SNX24: variants seen among roughly 807,000 people sequenced by gnomAD.
SNX24 encodes the protein sorting nexin 24, also known as sorting nexin-24.
SNX24 carries 22 observed loss-of-function variants against 28.7 expected under a neutral mutation model. The ratio of observed to expected loss-of-function variants is 0.77; its 90% CI spans 0.55 to 1.10. The LOEUF is 1.10. Among genes scored for constraint, SNX24 ranks in the 50% least tolerant of loss-of-function variants. SNX24 has a pLI of 0.00. For synonymous variants in SNX24, 69 were observed against 71.5 expected (o/e 0.96, Z 0.18); for missense variants, 221 against 201.1 (o/e 1.10, Z -0.60).
chr5:122,992,195 A>T (rs1324135142), intron 3 of SNX24, among the ~76,000 whole-genome samples: 1 of 152,186 alleles, frequency 6.6e-6, no homozygotes, highest in Non-Finnish European at 1.5e-5. Flanking sequence ...TGAGTTAGTT[A>T]AGAAGCAGTT....
intron 1 of SNX24, among the ~76,000 whole-genome samples, chr5:122,912,924 C>G (rs1298359324): frequency 1.3e-5 from 2 of 151,942 alleles, no homozygotes; most frequent in Admixed American, 1.3e-4. Flanking sequence ...TCTTAAGGAG[C>G]ATGCTGCCTT....
chr5:122,984,844 A>T (rs1581833309), intron 3 of SNX24, among the ~76,000 whole-genome samples: 1 of 152,364 alleles, frequency 6.6e-6, no homozygotes, highest in East Asian at 1.9e-4. Flanking sequence ...TAGGATTTAA[A>T]AACTAAAGAC....
chr5:122,936,368 C>T (rs190305299), intron 1 of SNX24, among the ~76,000 whole-genome samples: 3 of 152,220 alleles, frequency 2.0e-5, no homozygotes, highest in Non-Finnish European at 2.9e-5. Context: ...GAGCTTTTTA[C>T]CAGAGTATTC....
At chr5:122,954,416 C>A (rs1270393775) in intron 3 of SNX24, among the ~76,000 whole-genome samples, 1 of 151,944 alleles carries the variant, frequency 6.6e-6, no homozygotes, top group East Asian at 1.9e-4. Context: ...AATTTCTTAT[C>A]ATTATTGATA....
At chr5:122,886,012 C>A (rs1403192032) in intron 1 of SNX24, among the ~76,000 whole-genome samples, 2 of 151,954 alleles carry the variant, frequency 1.3e-5, no homozygotes, top group African/African-American at 4.8e-5. Context: ...TCCTAACAGG[C>A]CACAGACCGT....
At chr5:122,954,456 A>G (rs1259683282) in intron 3 of SNX24, among the ~76,000 whole-genome samples, 2 of 151,840 alleles carry the variant, frequency 1.3e-5, no homozygotes, top group Non-Finnish European at 2.9e-5. Flanking sequence ...CATCGGTGCT[A>G]TCACTCCATC....
intron 1 of SNX24, among the ~76,000 whole-genome samples, chr5:122,865,816 A>C (rs546539331): frequency 3.3e-5 from 5 of 152,168 alleles, no homozygotes; most frequent in African/African-American, 7.2e-5. Context: ...GATAATAACA[A>C]TTTCATAATT....
chr5:122,933,565 T>C (rs964013802), intron 1 of SNX24, among the ~76,000 whole-genome samples: 2 of 152,192 alleles, frequency 1.3e-5, no homozygotes, highest in Non-Finnish European at 1.5e-5. Flanking sequence ...TCTCTCACTT[T>C]CCTTCATTTC....
At chr5:122,900,936 C>T (rs935282461) in intron 1 of SNX24, among the ~76,000 whole-genome samples, 12 of 152,132 alleles carry the variant, frequency 7.9e-5, no homozygotes, top group East Asian at 3.9e-4. Flanking sequence ...TGTGGTGGCT[C>T]GTGCCTGTAA....
intron 1 of SNX24, among the ~76,000 whole-genome samples, chr5:122,912,939 C>A (rs571404402): frequency 6.6e-6 from 1 of 152,066 alleles, no homozygotes; most frequent in Non-Finnish European, 1.5e-5. Context: ...TGCCTTCAAG[C>A]ATCTGTTTAA....
rs137956160 is a variant in SNX24 at position 123,023,946 on chromosome 5, T to C, written n.384-5292T>C. 1,211 of 1,614,054 alleles carry C rather than the reference T, an allele frequency of 7.5e-4. 1 individual carries two copies. The highest frequency in any genetic ancestry group is 9.4e-4 in the Non-Finnish European group (1,113 of 1,180,010). On this transcript the variant is annotated intron_variant and non_coding_transcript_variant, in intron 5 of 5. Coordinates refer to the SNX24 transcript ENST00000502387. ...TTGCCACTGTTGATGATCGAGCAGTTGGTGAGTGGACGGTCATGCCCATCA... is the reference window on the plus strand; with the variant it reads ...TTGCCACTGTTGATGATCGAGCAGTCGGTGAGTGGACGGTCATGCCCATCA...
At chr5:123,028,736 G>C (rs1365366544) in intron 5 of SNX24, 1 of 1,519,822 alleles carries the variant, frequency 6.6e-7, no homozygotes, top group East Asian at 2.3e-5. Context: ...CTTAGATTTC[G>C]GTTTGGTAAA....
intron 2 of SNX24, among the ~76,000 whole-genome samples, chr5:122,941,218 G>C (rs1759431295): frequency 6.6e-6 from 1 of 152,066 alleles, no homozygotes; most frequent in Non-Finnish European, 1.5e-5. Flanking sequence ...AATCACATCT[G>C]CAAAGCCCCC....
intron 1 of SNX24, among the ~76,000 whole-genome samples, chr5:122,908,986 T>G (rs144482088): frequency 2.6e-5 from 4 of 152,286 alleles, no homozygotes; most frequent in Non-Finnish European, 5.9e-5. Context: ...AGAAAGGTTG[T>G]GATTGCGAGA....
chr5:122,860,818 G>A (rs1022476576), intron 1 of SNX24, among the ~76,000 whole-genome samples: 2 of 151,914 alleles, frequency 1.3e-5, no homozygotes, highest in Non-Finnish European at 1.5e-5. Flanking sequence ...GGATGGTCTC[G>A]ATTTCCTGAC....
chr5:122,880,264 G>A (rs909328988), intron 1 of SNX24, among the ~76,000 whole-genome samples: 1 of 143,378 alleles, frequency 7.0e-6, no homozygotes, highest in African/African-American at 2.7e-5. Flanking sequence ...TCGGAGACGT[G>A]TGCCAGTGAC....
At chr5:123,018,656 A>C (rs1468799760) in intron 5 of SNX24, among the ~76,000 whole-genome samples, 1 of 152,110 alleles carries the variant, frequency 6.6e-6, no homozygotes, top group Non-Finnish European at 1.5e-5. Context: ...CAAATCTGTG[A>C]GTCCTCTGCA....
chr5:122,892,602 G>A (rs949608583), intron 1 of SNX24, among the ~76,000 whole-genome samples: 15 of 151,596 alleles, frequency 9.9e-5, no homozygotes, highest in African/African-American at 1.4e-4. Context: ...ACCATGCCCC[G>A]TTAATTTTTG....
intron 1 of SNX24, among the ~76,000 whole-genome samples, chr5:122,865,565 T>C (rs1283537813): frequency 6.6e-6 from 1 of 152,188 alleles, no homozygotes; most frequent in Non-Finnish European, 1.5e-5. Context: ...TCTCGAACTT[T>C]GGACCTCAGG....
Sources: gnomAD v4.1 joint callset for allele counts (sites outside exome capture counted in the v4.1 genomes callset) on GRCh38, gnomAD v4.1.1 for gene constraint, MANE v1.5 for transcripts, NCBI Gene and HGNC (gene_info 2026-07-23, HGNC 2026-07-21) for gene names.